The following PHTF2 variants were observed in gnomAD, a reference collection of about 807,000 sequenced individuals.
PHTF2 encodes the protein protein PHTF2.
Under a neutral mutation model 101.2 loss-of-function variants are expected in PHTF2, and 60 were observed. The ratio of observed to expected loss-of-function variants is 0.59; its 90% CI spans 0.48 to 0.73. The LOEUF is 0.73. Ranked by LOEUF, PHTF2 falls within the 30% of genes least tolerant of loss-of-function variation. The pLI, the probability that PHTF2 is intolerant of heterozygous loss-of-function variation, is 0.00. For synonymous variants in PHTF2, 311 were observed against 307.3 expected (o/e 1.01, Z -0.13); for missense variants, 747 against 908.7 (o/e 0.82, Z 2.29).
intron 2 of PHTF2, among the ~76,000 whole-genome samples, chr7:77,850,430 A>C (rs961027623): frequency 3.4e-5 from 5 of 149,106 alleles, no homozygotes; most frequent in Non-Finnish European, 7.4e-5. Context: ...TCTTGAACCC[A>C]GGAGTTCAAG....
intron 19 of PHTF2, among the ~76,000 whole-genome samples, chr7:77,954,638 A>ATATATATATAT (rs1562982915): frequency 2.5e-4 from 35 of 139,106 alleles, no homozygotes; most frequent in African/African-American, 8.1e-4. Context: ...ATATATATAT[A>ATATATATATAT]TATATATAGC....
At chr7:77,933,880 AT>A (rs1215373308) in intron 12 of PHTF2, among the ~76,000 whole-genome samples, 1 of 152,180 alleles carries the variant, frequency 6.6e-6, no homozygotes, top group Non-Finnish European at 1.5e-5. Flanking sequence ...TGCAGAGTAA[AT>A]TGCTCCTAAG....
chr7:77,899,830 G>A (rs190430397), intron 5 of PHTF2, among the ~76,000 whole-genome samples: 1 of 152,242 alleles, frequency 6.6e-6, no homozygotes, highest in East Asian at 1.9e-4. Context: ...AAACACTTGT[G>A]TCATCTCGCA....
Position 77,917,795 on chromosome 7 carries a change from A to G in PHTF2, c.777-2484A>G, listed in dbSNP as rs117200310. 1.9e-3 allele frequency among the ~76,000 whole-genome samples: 286 copies of G among 152,350 alleles called. 6 individuals carry two copies. The East Asian group carries it at 0.045, about 24-fold the overall frequency. ...AGTGCTTTCATTACCAGCTACTGGCAGGCTGCCTTTGTTTGTAAACTCTGA... is the reference window on the plus strand; with the variant it reads ...AGTGCTTTCATTACCAGCTACTGGCGGGCTGCCTTTGTTTGTAAACTCTGA... On this transcript the variant is annotated intron_variant, in intron 9 of 19. Transcript: ENST00000416283.
At chr7:77,915,759 T>C (rs12536643) in intron 9 of PHTF2, among the ~76,000 whole-genome samples, 22,267 of 152,072 alleles carry the variant, frequency 0.15, 2,180 homozygotes, top group African/African-American at 0.27. Flanking sequence ...TTGCTAAGGG[T>C]GCACTGTGCA....
intron 9 of PHTF2, among the ~76,000 whole-genome samples, chr7:77,912,710 C>CTTTT (rs536966733): frequency 2.5e-5 from 2 of 80,464 alleles, no homozygotes; most frequent in African/African-American, 4.8e-5. Flanking sequence ...AGAGAACCAC[C>CTTTT]TTTTTTTTTT....
intron 1 of PHTF2, among the ~76,000 whole-genome samples, chr7:77,802,829 C>T (rs1332574421): frequency 6.6e-6 from 1 of 152,206 alleles, no homozygotes; most frequent in Admixed American, 6.5e-5. Context: ...CCACTCCTGG[C>T]CAGTGTGTTT....
At chr7:77,901,523 T>G (rs773285215) in intron 6 of PHTF2, among the ~76,000 whole-genome samples, 2 of 152,170 alleles carry the variant, frequency 1.3e-5, no homozygotes, top group Non-Finnish European at 1.5e-5. Flanking sequence ...AATTCCTAAC[T>G]AGAACTGACA....
intron 11 of PHTF2, chr7:77,923,103 T>C (rs1049532459): frequency 1.8e-5 from 18 of 1,020,316 alleles, no homozygotes; most frequent in Middle Eastern, 4.7e-4. Context: ...TTTGAAAGGC[T>C]TTATACATTT....
At chr7:77,890,285 G>A (rs1336832829) in intron 3 of PHTF2, among the ~76,000 whole-genome samples, 5 of 151,996 alleles carry the variant, frequency 3.3e-5, no homozygotes, top group Non-Finnish European at 7.4e-5. Flanking sequence ...TTCTAACCTC[G>A]GGCCTATTAA....
Position 77,868,630 on chromosome 7 carries a change from G to A in PHTF2, c.147+13796G>A, listed in dbSNP as rs371997833. 5.8e-4 allele frequency among the ~76,000 whole-genome samples: 88 copies of A among 152,126 alleles called. 2 individuals carry two copies. The South Asian group carries it at 0.013, about 22-fold the overall frequency. On this transcript the variant is annotated intron_variant, in intron 3 of 19. Transcript: ENST00000416283. ...CTCATCTAAACAAGTAATTTGAAAC[G>A]GTTTCTGCTACTAAGAATAGCAATT...
chr7:77,835,292 GA>G (rs902868894), intron 1 of PHTF2, among the ~76,000 whole-genome samples: 10 of 139,910 alleles, frequency 7.1e-5, no homozygotes, highest in African/African-American at 1.3e-4. Context: ...AAAAAAACAA[GA>G]AAAAAAAAAG....
intron 5 of PHTF2, 92 bp from the exon 5 acceptor site, chr7:77,900,619 T>C (rs940790621): frequency 1.4e-6 from 1 of 722,342 alleles, no homozygotes; most frequent in African/African-American, 1.8e-5. Flanking sequence ...ATTAACAATT[T>C]TATTTTAAAT....
intron 5 of PHTF2, among the ~76,000 whole-genome samples, chr7:77,895,672 TA>T (rs1486799942): frequency 6.6e-6 from 1 of 152,178 alleles, no homozygotes; most frequent in Non-Finnish European, 1.5e-5. Context: ...ATTACTTATG[TA>T]ACCTCCTCTT....
intron 12 of PHTF2, among the ~76,000 whole-genome samples, chr7:77,936,319 T>C (rs1805126127): frequency 6.6e-6 from 1 of 152,220 alleles, no homozygotes; most frequent in Non-Finnish European, 1.5e-5. Context: ...TTAGAAGTTA[T>C]ATTTAATGAA....
intron 3 of PHTF2, among the ~76,000 whole-genome samples, chr7:77,867,320 G>C (rs578159444): frequency 6.6e-6 from 1 of 152,280 alleles, no homozygotes; most frequent in African/African-American, 2.4e-5. Context: ...ACGTAGGGTC[G>C]TTTTTGTGGA....
At chr7:77,899,399 G>T (rs1051228289) in intron 5 of PHTF2, among the ~76,000 whole-genome samples, 1 of 151,926 alleles carries the variant, frequency 6.6e-6, no homozygotes, top group Admixed American at 6.6e-5. Context: ...TAGGGCAAAA[G>T]CACCGTGAAC....
intron 2 of PHTF2, among the ~76,000 whole-genome samples, chr7:77,841,557 T>TG (rs2150581646): frequency 6.6e-6 from 1 of 152,292 alleles, no homozygotes; most frequent in South Asian, 2.1e-4. Flanking sequence ...CTTAACCTCT[T>TG]GGGCTCATGT....
At chr7:77,943,684 A>G (rs1224020122) in intron 16 of PHTF2, among the ~76,000 whole-genome samples, 1 of 152,194 alleles carries the variant, frequency 6.6e-6, no homozygotes, top group Non-Finnish European at 1.5e-5. Flanking sequence ...CATTCCAAGT[A>G]GTATGATGTA....
Sources: gnomAD v4.1 joint callset for allele counts (sites outside exome capture counted in the v4.1 genomes callset) on GRCh38, gnomAD v4.1.1 for gene constraint, MANE v1.5 for transcripts, NCBI Gene and HGNC (gene_info 2026-07-23, HGNC 2026-07-21) for gene names.